EPC1: variants seen among roughly 807,000 people sequenced by gnomAD.
The protein encoded by EPC1 is enhancer of polycomb homolog 1.
A neutral mutation model predicts 98.4 loss-of-function variants in EPC1; 12 were observed. The ratio of observed to expected loss-of-function variants is 0.12; its 90% CI spans 0.08 to 0.20. The LOEUF (loss-of-function observed/expected upper bound fraction) is 0.20. Ranked by LOEUF, EPC1 falls within the 10% of genes least tolerant of loss-of-function variation. The probability of loss-of-function intolerance (pLI) is 1.00; values close to 1 mark genes in which losing one functional copy is unlikely to be tolerated. For synonymous variants in EPC1, 357 were observed against 363.9 expected (o/e 0.98, Z 0.21); for missense variants, 729 against 990.5 (o/e 0.74, Z 3.54).
intron 1 of EPC1, among the ~76,000 whole-genome samples, chr10:32,372,615 G>A (rs1839780320): frequency 6.6e-6 from 1 of 152,202 alleles, no homozygotes; most frequent in Admixed American, 6.5e-5. Context: ...AATTTCATCT[G>A]TATATGACTG....
In EPC1 at chr10:32,268,893, A is replaced by T; in HGVS notation, c.*170T>A. 1.7e-6 allele frequency: 1 copy of T among 580,448 alleles called. No homozygotes were observed. The highest frequency in any genetic ancestry group is 3.1e-6 in the Non-Finnish European group (1 of 326,484). The allele number at this position is 580,448 out of a possible 1,614,324, so 36.0% of individuals were successfully genotyped here. On this transcript the variant is annotated 3_prime_UTR_variant, in exon 14 of 14. Coordinates refer to ENST00000319778, the MANE Select transcript of EPC1 (RefSeq NM_001272004.3). ...ATTTACAGATGTTGATTTTTTTCCT[A>T]TTAACAGTAAGAAAAGAAAAATTGA... is the stretch of plus-strand genomic sequence containing the variant.
chr10:32,269,380 C>A, intron 13 of EPC1: 1 of 345,872 alleles, frequency 2.9e-6, no homozygotes, highest in South Asian at 3.8e-5. Flanking sequence ...CTCAAGCAAC[C>A]TAGATGTTAA....
chr10:32,324,632 TTG>T (rs1837154420), intron 1 of EPC1, among the ~76,000 whole-genome samples: 1 of 152,210 alleles, frequency 6.6e-6, no homozygotes, highest in African/African-American at 2.4e-5. Flanking sequence ...CAAATTTACC[TTG>T]TGTTTTCTTA....
chr10:32,285,812 C>T (rs1242798361), intron 9 of EPC1: 1 of 151,834 alleles, frequency 6.6e-6, no homozygotes, highest in African/African-American at 2.4e-5. Flanking sequence ...ATAAATGGCT[C>T]CAAGTCAAAA....
chr10:32,368,259 C>T (rs1839655798), intron 1 of EPC1, among the ~76,000 whole-genome samples: 1 of 152,178 alleles, frequency 6.6e-6, no homozygotes, highest in African/African-American at 2.4e-5. Flanking sequence ...TCTAGGTTCC[C>T]CAGCTTGGGA....
chr10:32,373,034 G>T (rs1054833045), intron 1 of EPC1, among the ~76,000 whole-genome samples: 1 of 152,084 alleles, frequency 6.6e-6, no homozygotes, highest in Non-Finnish European at 1.5e-5. Context: ...AAATAAAATA[G>T]AATAAAATAA....
chr10:32,374,588 G>C (rs1839833680), intron 1 of EPC1: 1 of 152,098 alleles, frequency 6.6e-6, no homozygotes. Flanking sequence ...CAATATGTGA[G>C]TACTTGATGC....
At chr10:32,343,197 T>TATTTAA (rs1564558307) in intron 1 of EPC1, among the ~76,000 whole-genome samples, 1 of 152,130 alleles carries the variant, frequency 6.6e-6, no homozygotes, top group African/African-American at 2.4e-5. Flanking sequence ...TCATCATCCG[T>TATTTAA]TACTTTATTT....
chr10:32,354,754 T>G (rs1415221963), intron 1 of EPC1, among the ~76,000 whole-genome samples: 1 of 152,122 alleles, frequency 6.6e-6, no homozygotes, highest in Non-Finnish European at 1.5e-5. Flanking sequence ...AAGCTTCATC[T>G]GTATTTACAG....
At chr10:32,301,330 A>G (rs991032799) in intron 2 of EPC1, among the ~76,000 whole-genome samples, 8 of 152,324 alleles carry the variant, frequency 5.3e-5, no homozygotes, top group African/African-American at 1.4e-4. Flanking sequence ...GACCTGGAAG[A>G]TTCACATAGA....
At chr10:32,297,202 T>C (rs1162944898) in intron 2 of EPC1, among the ~76,000 whole-genome samples, 1 of 151,968 alleles carries the variant, frequency 6.6e-6, no homozygotes, top group African/African-American at 2.4e-5. Flanking sequence ...AAAAAAAGGG[T>C]CTAAAGAAAA....
intron 1 of EPC1, among the ~76,000 whole-genome samples, chr10:32,329,699 A>G (rs142981236): frequency 2.0e-5 from 3 of 152,360 alleles, no homozygotes; most frequent in African/African-American, 7.2e-5. Context: ...GAATAAATTA[A>G]CAATAAGCCA....
upstream of EPC1, among the ~76,000 whole-genome samples, chr10:32,349,384 G>A (rs577681005): frequency 6.6e-6 from 1 of 152,186 alleles, no homozygotes; most frequent in South Asian, 2.1e-4. Flanking sequence ...ATCACCCTCC[G>A]TGGCAAATTC....
chr10:32,276,016 C>G (rs527503075), intron 10 of EPC1, among the ~76,000 whole-genome samples: 1 of 152,160 alleles, frequency 6.6e-6, no homozygotes, highest in Admixed American at 6.5e-5. Context: ...TCTACAGAGT[C>G]TAGTTATGAA....
At chr10:32,305,445 T>C (rs1835821196) in intron 2 of EPC1, among the ~76,000 whole-genome samples, 1 of 152,158 alleles carries the variant, frequency 6.6e-6, no homozygotes, top group Non-Finnish European at 1.5e-5. Flanking sequence ...AAGAAGTTCT[T>C]TAAGACTATT....
chr10:32,286,560 T>TA (rs1836688945), intron 9 of EPC1, 134 bp downstream of exon 9: 1 of 1,051,312 alleles, frequency 9.5e-7, no homozygotes, highest in Admixed American at 2.9e-5. Flanking sequence ...AAAAATATTT[T>TA]AGTCAACAGA....
At position 32,286,995 on chromosome 10, in the gene EPC1, T is replaced by G. The variant is rs1836723040; in HGVS notation, c.1173A>C (p.Glu391Asp). ...CATCAGGATCATTGTCTTCCTCAGC[T>G]TCCGAAGAGCCAGACAAAACCTTTA... ...PLSQVLSGSS[E>D]AEEDNDPDGP... Residue 391 changes from glutamate to aspartate, a missense_variant, in exon 8 of 14, where the codon GAA (glutamate) becomes GAC (aspartate). Glu to Asp is a conservative substitution (Grantham distance 45). Coordinates refer to ENST00000319778, the MANE Select transcript of EPC1 (RefSeq NM_001272004.3). 3.1e-6 allele frequency: 5 copies of G among 1,614,154 alleles called. No homozygotes were observed. In the East Asian group the frequency reaches 1.1e-4, roughly 36 times the overall value.
chr10:32,359,288 A>G (rs1839372104), intron 1 of EPC1, among the ~76,000 whole-genome samples: 1 of 152,238 alleles, frequency 6.6e-6, no homozygotes, highest in Non-Finnish European at 1.5e-5. Context: ...ATTGTGTAAT[A>G]TAAGACATTT....
At chr10:32,319,795 G>GTAAACCC (rs1278968003) in intron 1 of EPC1, among the ~76,000 whole-genome samples, 1 of 152,078 alleles carries the variant, frequency 6.6e-6, no homozygotes, top group African/African-American at 2.4e-5. Context: ...TCCTGCCTCA[G>GTAAACCC]CTCCCGAGTA....
Sources: allele counts gnomAD v4.1 joint callset (sites outside exome capture counted in the v4.1 genomes callset), GRCh38; gene constraint gnomAD v4.1.1; transcripts MANE v1.5; gene names NCBI Gene and HGNC (gene_info 2026-07-23, HGNC 2026-07-21).